The following HDAC4 variants were observed in gnomAD, a reference collection of about 807,000 sequenced individuals.
The protein encoded by HDAC4 is histone deacetylase 4, also known as histone deacetylase A.
Under a neutral mutation model 135.1 loss-of-function variants are expected in HDAC4, and 16 were observed. The ratio of observed to expected loss-of-function variants is 0.12; its 90% confidence interval spans 0.08 to 0.18. HDAC4 has a LOEUF of 0.18. HDAC4 is among the 10% of genes least tolerant of loss of function. The pLI, the probability that HDAC4 is intolerant of heterozygous loss-of-function variation, is 1.00. For missense variants in HDAC4, 1,143 were observed against 1,511.8 expected (o/e 0.76, Z 4.05); for synonymous variants, 685 against 653.4 (o/e 1.05, Z -0.74).
At position 239,303,474 on chromosome 2, in the gene HDAC4, A is replaced by G. The variant is rs2052388700; in HGVS notation, c.22+49204T>C. ...AGAGCGTCACAAGCACCCCACGAAC[A>G]AGACACGGCAGCGTGCTTCCTCGAT... is the stretch of plus-strand genomic sequence containing the variant. On this transcript the variant is annotated intron_variant, in intron 2 of 26. Coordinates refer to ENST00000543185, the MANE Select transcript of HDAC4 (RefSeq NM_001378414.1). The surrounding 1 kb of genome is among the most constrained non-coding windows in gnomAD (Gnocchi z 5.1). Among the ~76,000 whole-genome samples, 1 of 151,540 alleles carries G rather than the reference A, an allele frequency of 6.6e-6. No individual in the cohort carries two copies. Among genetic ancestry groups the G allele is most frequent in the Admixed American group, 6.6e-5 (1 of 15,230 alleles).
Position 239,197,621 on chromosome 2 carries a change from G to A in HDAC4, c.95-7544C>T, listed in dbSNP as rs560784110. ...CATCCTCCCTGTTTTCCTTGTCTTT[G>A]TCTTACACGCTTCTTCATGTGTGAT... On this transcript the variant is annotated intron_variant, in intron 3 of 26. Transcript: ENST00000543185. Among the ~76,000 whole-genome samples the A allele has an allele frequency of 1.3e-4, 20 of 152,168 alleles. No individual in the cohort carries two copies. In the South Asian group the frequency reaches 4.2e-3, roughly 32 times the overall value.
At position 239,124,477 on chromosome 2, in the gene HDAC4, G is replaced by C. The variant is rs546587531; in HGVS notation, c.1533+1979C>G. On this transcript the variant is annotated intron_variant, in intron 12 of 26. Transcript: ENST00000543185. Reference sequence around the variant, plus strand: ...GCTTGTCAGTGTCATTCCACTTTATGGCTGAATGACATTCCGGCGTGTGGC... The same window carrying C: ...GCTTGTCAGTGTCATTCCACTTTATCGCTGAATGACATTCCGGCGTGTGGC... Among the ~76,000 whole-genome samples, 30 of 152,366 alleles carry C rather than the reference G, an allele frequency of 2.0e-4. 1 individual carries two copies. Among genetic ancestry groups the C allele is most frequent in the Admixed American group, 4.6e-4 (7 of 15,310 alleles).
intron 3 of HDAC4, among the ~76,000 whole-genome samples, chr2:239,229,821 G>A (rs1328791990): frequency 6.6e-6 from 1 of 152,176 alleles, no homozygotes; most frequent in Non-Finnish European, 1.5e-5. Flanking sequence ...AGAGAGAATA[G>A]ATGGTAAATG....
intron 2 of HDAC4, among the ~76,000 whole-genome samples, chr2:239,326,352 C>A (rs1231245255): frequency 6.6e-6 from 1 of 152,044 alleles, no homozygotes; most frequent in Non-Finnish European, 1.5e-5. Context: ...TGGTGGGTGC[C>A]GCAGCCAGAG....
chr2:239,094,709 A>G, intron 17 of HDAC4: 1 of 1,248,212 alleles, frequency 8.0e-7, no homozygotes, highest in Non-Finnish European at 1.0e-6. Context: ...TTACTGCCAC[A>G]GACTTCGAAG....
Position 239,193,450 on chromosome 2 carries a change from G to A in HDAC4, c.95-3373C>T, listed in dbSNP as rs1348324230. On this transcript the variant is annotated intron_variant, in intron 3 of 26. Coordinates refer to ENST00000543185, the MANE Select transcript of HDAC4 (RefSeq NM_001378414.1). ...GCTGTGTGCCAGGTGCTGTGGGAAC[G>A]GGCCCAGGGCAGCCGCTGGGGCGCC... Among the ~76,000 whole-genome samples the A allele has an allele frequency of 2.6e-5, 4 of 152,246 alleles. No homozygotes were observed. In the East Asian group the frequency reaches 5.8e-4, roughly 22 times the overall value.
chr2:239,232,986 A>G (rs1275611056), intron 3 of HDAC4, among the ~76,000 whole-genome samples: 1 of 152,186 alleles, frequency 6.6e-6, no homozygotes, highest in Non-Finnish European at 1.5e-5. Context: ...CTCAGCAAGC[A>G]GACAACAACT....
intron 3 of HDAC4, among the ~76,000 whole-genome samples, chr2:239,225,412 A>G (rs758497021): frequency 9.2e-5 from 14 of 152,278 alleles, no homozygotes; most frequent in Non-Finnish European, 1.9e-4. Flanking sequence ...AGGAATTAAT[A>G]AAACAGAGAA....
intron 3 of HDAC4, among the ~76,000 whole-genome samples, chr2:239,217,189 G>T (rs972499670): frequency 6.6e-6 from 1 of 152,152 alleles, no homozygotes; most frequent in Non-Finnish European, 1.5e-5. Context: ...CAGCACAGGC[G>T]GTAGCAGGGT....
intron 1 of HDAC4, among the ~76,000 whole-genome samples, chr2:239,386,146 T>C (rs998689964): frequency 2.0e-5 from 3 of 147,528 alleles, no homozygotes; most frequent in Admixed American, 6.8e-5. Flanking sequence ...AGGCTGAGAG[T>C]CGGAGCACAG....
chr2:239,083,639 G>A (rs1407163507), intron 20 of HDAC4, among the ~76,000 whole-genome samples: 4 of 152,250 alleles, frequency 2.6e-5, no homozygotes, highest in South Asian at 4.1e-4. Flanking sequence ...ATACCTATTC[G>A]TGGAATTCAG....
intron 1 of HDAC4, among the ~76,000 whole-genome samples, chr2:239,397,894 C>T (rs1288044998): frequency 1.3e-5 from 2 of 152,196 alleles, no homozygotes; most frequent in African/African-American, 4.8e-5. Context: ...GAGCCCACCA[C>T]ACGGCAGGGC....
Position 239,115,432 on chromosome 2 carries a change from A to G in HDAC4, c.1534-122T>C, listed in dbSNP as rs1376151508. The G allele has an allele frequency of 1.1e-5, 14 of 1,241,428 alleles. No homozygotes were observed. Among genetic ancestry groups the G allele is most frequent in the Non-Finnish European group, 1.5e-5 (13 of 877,008 alleles). The allele number at this position is 1,241,428 out of a possible 1,614,324, so 76.9% of individuals were successfully genotyped here. On this transcript the variant is annotated intron_variant, in intron 12 of 26. Coordinates refer to ENST00000543185, the MANE Select transcript of HDAC4 (RefSeq NM_001378414.1). The surrounding 1 kb of genome is among the most constrained non-coding windows in gnomAD (Gnocchi z 6.3). ...GACAATCAGGGACTCAGGGCACCTT[A>G]TCACCCTGCCACAGGCCAGCAGGCA...
intron 15 of HDAC4, among the ~76,000 whole-genome samples, chr2:239,106,339 G>A (rs1385487641): frequency 6.6e-6 from 1 of 152,134 alleles, no homozygotes. Flanking sequence ...GGGGGTGGGG[G>A]CACATGTAGG....
chr2:239,129,290 C>T (rs2040407764), intron 11 of HDAC4, among the ~76,000 whole-genome samples: 1 of 152,186 alleles, frequency 6.6e-6, no homozygotes, highest in South Asian at 2.1e-4. Flanking sequence ...AGGGTGGTTT[C>T]CAATTTGGAT....
At position 239,067,054 on chromosome 2, in the gene HDAC4, T is replaced by G; in HGVS notation, c.2870-199A>C. 7.6e-6 allele frequency: 5 copies of G among 658,532 alleles called. No homozygotes were observed. In the South Asian group the frequency reaches 9.6e-5, roughly 13 times the overall value. 40.8% of individuals were successfully genotyped at this position (658,532 alleles called of 1,614,324 possible). On this transcript the variant is annotated intron_variant, in intron 23 of 26. Coordinates refer to ENST00000543185, the MANE Select transcript of HDAC4 (RefSeq NM_001378414.1). ...CTTTGATCTGTTTGAGAGGAGGAAT[T>G]ATGGCTTCAATGCTTTGATTTTTAA...
chr2:239,130,001 T>C (rs1366777550), intron 11 of HDAC4, among the ~76,000 whole-genome samples: 5 of 152,184 alleles, frequency 3.3e-5, no homozygotes, highest in African/African-American at 1.2e-4. Context: ...TCTGTTTAGG[T>C]GATGAATTCA....
chr2:239,280,631 C>A (rs1047320436), intron 2 of HDAC4, among the ~76,000 whole-genome samples: 2 of 152,138 alleles, frequency 1.3e-5, no homozygotes, highest in African/African-American at 4.8e-5. Context: ...CTCTCTCCCG[C>A]GTGAGGAAGA....
At chr2:239,346,339 C>T (rs867023473) in intron 2 of HDAC4, among the ~76,000 whole-genome samples, 1 of 148,902 alleles carries the variant, frequency 6.7e-6, no homozygotes, top group African/African-American at 2.5e-5. Context: ...CATACACACC[C>T]GTCTAAAACA....
Sources: gnomAD v4.1 joint callset for allele counts (sites outside exome capture counted in the v4.1 genomes callset) on GRCh38, gnomAD v4.1.1 for gene constraint, Gnocchi (gnomAD v3.1) non-coding constraint, MANE v1.5 for transcripts, NCBI Gene and HGNC (gene_info 2026-07-23, HGNC 2026-07-21) for gene names.